Variants in ADGRB3 observed in about 807,000 individuals in gnomAD.
ADGRB3 encodes the protein adhesion G protein-coupled receptor B3.
In ADGRB3, 37 loss-of-function variants were observed where a neutral mutation model predicts 193.4. That is an observed-to-expected ratio of 0.19 (90% CI 0.15 to 0.25). The LOEUF is 0.25. Among genes scored for constraint, ADGRB3 ranks in the 10% least tolerant of loss-of-function variants. The pLI is 1.00. For synonymous variants in ADGRB3, 690 were observed against 644.2 expected, an observed-to-expected ratio of 1.07 and a Z score of -1.08; for missense variants, 1,637 against 1,852.9, an observed-to-expected ratio of 0.88 and a Z score of 2.14.
At chr6:69,015,619 A>T (rs940073585) in intron 12 of ADGRB3, among the ~76,000 whole-genome samples, 10 of 151,950 alleles carry the variant, frequency 6.6e-5, no homozygotes, top group Non-Finnish European at 1.5e-4. Flanking sequence ...GAGTCTCCTT[A>T]TTTTTGAGTA....
intron 3 of ADGRB3, among the ~76,000 whole-genome samples, chr6:68,854,470 T>C (rs1053638390): frequency 1.3e-5 from 2 of 152,202 alleles, no homozygotes; most frequent in African/African-American, 4.8e-5. Flanking sequence ...GTATATGTAC[T>C]TTCAAATATC....
intron 3 of ADGRB3, among the ~76,000 whole-genome samples, chr6:68,757,246 T>C (rs1766314323): frequency 6.6e-6 from 1 of 152,142 alleles, no homozygotes; most frequent in Non-Finnish European, 1.5e-5. Context: ...TGTCCAGATA[T>C]GTGAAAATCA....
At chr6:68,897,472 AGGGAGGGATGG>A (rs1766254425) in intron 3 of ADGRB3, among the ~76,000 whole-genome samples, 1 of 25,306 alleles carries the variant, frequency 4.0e-5, no homozygotes, top group Non-Finnish European at 7.5e-5. Flanking sequence ...GAGGAAAGGG[AGGGAGGGATGG>A]AGGAAGGGAG....
At chr6:68,820,190 C>T (rs1767723103) in intron 3 of ADGRB3, among the ~76,000 whole-genome samples, 1 of 151,982 alleles carries the variant, frequency 6.6e-6, no homozygotes, top group Non-Finnish European at 1.5e-5. Flanking sequence ...ACATATCTCA[C>T]TGCACTTGCT....
At chr6:68,982,143 CAAA>C (rs1298052448) in intron 10 of ADGRB3, among the ~76,000 whole-genome samples, 4 of 152,084 alleles carry the variant, frequency 2.6e-5, no homozygotes, top group African/African-American at 7.2e-5. Flanking sequence ...CTCAGCCTCC[CAAA>C]GTACATTTAT....
intron 3 of ADGRB3, among the ~76,000 whole-genome samples, chr6:68,648,085 A>C (rs1255065252): frequency 6.6e-6 from 1 of 152,192 alleles, no homozygotes; most frequent in East Asian, 1.9e-4. Flanking sequence ...TCCTCCAGGA[A>C]TTTTGTGCAC....
chr6:69,371,956 T>C lies in ADGRB3; in HGVS notation c.4240-450T>C, dbSNP rs142516174. Among the ~76,000 whole-genome samples the C allele has an allele frequency of 1.9e-3, 293 of 152,212 alleles. 1 individual carries two copies. Among genetic ancestry groups the C allele is most frequent in the Non-Finnish European group, 3.3e-3 (224 of 67,960 alleles). On this transcript the variant is annotated intron_variant, in intron 29 of 31. Transcript: ENST00000370598. ...GGGACTTAGAGGACTGGTTAGAATTTGGTAGGAAGGAAAACTAGAAGTTGG... is the reference window on the plus strand; with the variant it reads ...GGGACTTAGAGGACTGGTTAGAATTCGGTAGGAAGGAAAACTAGAAGTTGG...
chr6:69,331,785 G>A, intron 23 of ADGRB3: 1 of 985,290 alleles, frequency 1.0e-6, no homozygotes, highest in Non-Finnish European at 1.2e-6. Context: ...ATGGTCTTTG[G>A]AGGGGTGACA....
At chr6:68,830,952 A>G (rs997547380) in intron 3 of ADGRB3, among the ~76,000 whole-genome samples, 11 of 44,426 alleles carry the variant, frequency 2.5e-4, no homozygotes, top group African/African-American at 1.0e-3. Context: ...TGGCAGAACA[A>G]CTTAAAAAAA....
intron 3 of ADGRB3, among the ~76,000 whole-genome samples, chr6:68,825,296 T>C (rs190072234): frequency 1.5e-3 from 221 of 152,314 alleles, no homozygotes; most frequent in Admixed American, 2.4e-3. Flanking sequence ...GACAATTCTG[T>C]ATGGCCTTTA....
chr6:68,916,742 G>A (rs115794737), intron 3 of ADGRB3, among the ~76,000 whole-genome samples: 1 of 152,130 alleles, frequency 6.6e-6, no homozygotes, highest in African/African-American at 2.4e-5. Flanking sequence ...AAATCAATTC[G>A]TGCAGAGGAG....
At chr6:69,253,944 C>G (rs1402371865) in intron 20 of ADGRB3, among the ~76,000 whole-genome samples, 1 of 151,974 alleles carries the variant, frequency 6.6e-6, no homozygotes, top group African/African-American at 2.4e-5. Flanking sequence ...TGACTAAGCA[C>G]AAATAGAATA....
intron 3 of ADGRB3, among the ~76,000 whole-genome samples, chr6:68,741,264 T>G (rs923704995): frequency 4.6e-5 from 7 of 152,204 alleles, no homozygotes; most frequent in African/African-American, 1.7e-4. Flanking sequence ...TCTTACAGAT[T>G]ATGAAACTAA....
chr6:69,139,626 A>G (rs1033778899), intron 17 of ADGRB3, among the ~76,000 whole-genome samples: 1 of 152,242 alleles, frequency 6.6e-6, no homozygotes, highest in Non-Finnish European at 1.5e-5. Flanking sequence ...TCACCTCTCC[A>G]AGTACTTTAT....
chr6:69,271,439 C>A (rs1225185659), intron 20 of ADGRB3, among the ~76,000 whole-genome samples: 1 of 151,982 alleles, frequency 6.6e-6, no homozygotes, highest in Non-Finnish European at 1.5e-5. Context: ...TAAGATTAAT[C>A]CAATATTGAT....
intron 10 of ADGRB3, among the ~76,000 whole-genome samples, chr6:68,985,866 G>A (rs1769055697): frequency 6.6e-6 from 1 of 152,100 alleles, no homozygotes; most frequent in South Asian, 2.1e-4. Flanking sequence ...GTTACTTAGT[G>A]CTCTGCTTCT....
At chr6:68,754,044 C>T (rs150210926) in intron 3 of ADGRB3, among the ~76,000 whole-genome samples, 1,928 of 152,158 alleles carry the variant, frequency 0.013, 22 homozygotes, top group Middle Eastern at 0.034. Flanking sequence ...TGTAAAAGAG[C>T]GGGTCCCTGT....
chr6:69,233,081 C>A, intron 17 of ADGRB3: 1 of 657,534 alleles, frequency 1.5e-6, no homozygotes, highest in African/African-American at 1.8e-5. Context: ...CTGCACGCCG[C>A]ACCGCCGCCT....
At position 68,847,177 on chromosome 6, in the gene ADGRB3, A is replaced by T. The variant is rs570979203; in HGVS notation, c.758-83382A>T. Among the ~76,000 whole-genome samples the T allele has an allele frequency of 9.2e-4, 140 of 152,238 alleles. No homozygotes were observed. In the Middle Eastern group the frequency reaches 0.02, roughly 22 times the overall value. ...GAATGGCTGTATTTACCCAATACCC[A>T]TACCCCTATTGTATCTAGGAAGTAA... On this transcript the variant is annotated intron_variant, in intron 3 of 31. Coordinates refer to ENST00000370598, the MANE Select transcript of ADGRB3 (RefSeq NM_001704.3).
Sources: allele counts gnomAD v4.1 joint callset (sites outside exome capture counted in the v4.1 genomes callset), GRCh38; gene constraint gnomAD v4.1.1; transcripts MANE v1.5; gene names NCBI Gene and HGNC (gene_info 2026-07-23, HGNC 2026-07-21).